The following EPHA5 variants were observed in gnomAD, a reference collection of about 807,000 sequenced individuals.
The protein encoded by EPHA5 is EPH receptor A5, also known as ephrin type-A receptor 5.
In EPHA5, 60 loss-of-function variants were observed where a neutral mutation model predicts 105.0. The observed-to-expected ratio is 0.57, with a 90% CI of 0.46 to 0.71. The LOEUF (loss-of-function observed/expected upper bound fraction) is 0.71. EPHA5 is among the 30% of genes least tolerant of loss of function. The pLI is 0.00. For missense variants in EPHA5, 1,218 were observed against 1,274.7 expected (o/e 0.96, Z 0.68); for synonymous variants, 513 against 449.1 (o/e 1.14, Z -1.80).
At chr4:65,561,787 T>A (rs1391839282) in intron 3 of EPHA5, among the ~76,000 whole-genome samples, 1 of 152,072 alleles carries the variant, frequency 6.6e-6, no homozygotes, top group African/African-American at 2.4e-5. Context: ...CCACAAGAGG[T>A]TGCAGAAGGG....
At chr4:65,479,124 A>G (rs140417039) in intron 5 of EPHA5, among the ~76,000 whole-genome samples, 205 of 152,296 alleles carry the variant, frequency 1.3e-3, no homozygotes, top group African/African-American at 4.7e-3. Context: ...AGAGTTTCTT[A>G]AATAATACTA....
Position 65,601,881 on chromosome 4 carries a change from C to G in EPHA5, c.670G>C (p.Val224Leu), listed in dbSNP as rs770566700. 3 of 1,614,086 alleles carry G rather than the reference C, an allele frequency of 1.9e-6. No individual in the cohort carries two copies. Among genetic ancestry groups the G allele is most frequent in the Non-Finnish European group, 2.5e-6 (3 of 1,180,008 alleles). ...FQDVGACIALVSVRVYYKKCP... is the reference protein window; with the variant it reads ...FQDVGACIALLSVRVYYKKCP... ...TTTTTATAGTATACACGCACAGAAACCAGAGCAATGCAAGCACCAACATCT... is the reference window on the plus strand; with the variant it reads ...TTTTTATAGTATACACGCACAGAAAGCAGAGCAATGCAAGCACCAACATCT... Residue 224 changes from valine (V) to leucine (L), a missense_variant, in exon 3 of 17, where the codon GTT becomes CTT. Physicochemically the swap from Val to Leu is conservative, Grantham distance 32. Transcript: ENST00000613740.
intron 3 of EPHA5, among the ~76,000 whole-genome samples, chr4:65,522,384 C>T (rs1254925079): frequency 6.7e-6 from 1 of 150,148 alleles, no homozygotes; most frequent in African/African-American, 2.5e-5. Flanking sequence ...TTGGGTTTTT[C>T]TCATTTTCAT....
At chr4:65,499,423 T>A (rs1732265077) in intron 3 of EPHA5, among the ~76,000 whole-genome samples, 1 of 151,610 alleles carries the variant, frequency 6.6e-6, no homozygotes, top group Non-Finnish European at 1.5e-5. Context: ...ATTTTCCCAG[T>A]TTTATTCCAC....
intron 16 of EPHA5, among the ~76,000 whole-genome samples, chr4:65,329,035 T>TAACCA (rs1442810507): frequency 2.6e-5 from 4 of 151,284 alleles, no homozygotes; most frequent in African/African-American, 9.7e-5. Flanking sequence ...ATTTTCTGAA[T>TAACCA]AACCAAAGGC....
intron 5 of EPHA5, among the ~76,000 whole-genome samples, chr4:65,473,860 T>C (rs1195261519): frequency 6.8e-6 from 1 of 147,406 alleles, no homozygotes; most frequent in East Asian, 2.0e-4. Context: ...GTAGTCCTCA[T>C]TACTCTTTCA....
At chr4:65,605,360 C>T (rs1489966112) in intron 2 of EPHA5, among the ~76,000 whole-genome samples, 1 of 152,190 alleles carries the variant, frequency 6.6e-6, no homozygotes, top group Non-Finnish European at 1.5e-5. Flanking sequence ...AGTTTCTCCC[C>T]ATCTGCCTCT....
intron 3 of EPHA5, among the ~76,000 whole-genome samples, chr4:65,515,818 A>G (rs1024288359): frequency 6.6e-6 from 1 of 152,140 alleles, no homozygotes; most frequent in Admixed American, 6.6e-5. Flanking sequence ...ACAGACTGAG[A>G]AAAGCATCAC....
chr4:65,483,053 T>C (rs1443871377), intron 5 of EPHA5, among the ~76,000 whole-genome samples: 1 of 151,978 alleles, frequency 6.6e-6, no homozygotes, highest in Admixed American at 6.6e-5. Flanking sequence ...ATGTTCCCCA[T>C]CCTGTGTCCA....
At chr4:65,657,975 C>G (rs1036513725) in intron 1 of EPHA5, among the ~76,000 whole-genome samples, 3 of 147,168 alleles carry the variant, frequency 2.0e-5, no homozygotes, top group African/African-American at 7.5e-5. Context: ...GAAAATCATA[C>G]TATTTCAGTG....
chr4:65,576,074 A>AAAAAAG (rs1740960577), intron 3 of EPHA5, among the ~76,000 whole-genome samples: 4 of 85,422 alleles, frequency 4.7e-5, no homozygotes, highest in Admixed American at 1.5e-4. Flanking sequence ...AAAAGAAAAG[A>AAAAAAG]AAAGAAAAGA....
chr4:65,470,391 C>T (rs1729170802), intron 5 of EPHA5, among the ~76,000 whole-genome samples: 1 of 151,986 alleles, frequency 6.6e-6, no homozygotes, highest in Non-Finnish European at 1.5e-5. Flanking sequence ...AGGATTTTAC[C>T]ATGTTGTCCA....
chr4:65,363,403 A>G (rs892869677), intron 11 of EPHA5, among the ~76,000 whole-genome samples: 1 of 151,564 alleles, frequency 6.6e-6, no homozygotes, highest in African/African-American at 2.4e-5. Context: ...TTAAAATTCA[A>G]TTGCATCACT....
At chr4:65,568,056 A>G (rs539341105) in intron 3 of EPHA5, among the ~76,000 whole-genome samples, 4 of 151,670 alleles carry the variant, frequency 2.6e-5, no homozygotes, top group Middle Eastern at 3.4e-3. Context: ...ACTCAAAACC[A>G]TGTTTAACTT....
Position 65,647,271 on chromosome 4 carries a change from G to C in EPHA5, c.182-3844C>G, listed in dbSNP as rs1488621474. 4.2e-5 allele frequency among the ~76,000 whole-genome samples: 6 copies of C among 141,978 alleles called. No homozygotes were observed. In the East Asian group the frequency reaches 1.3e-3, roughly 30 times the overall value. The allele number at this position is 141,978 out of a possible 152,430, so 93.1% of individuals were successfully genotyped here. A position where few individuals can be genotyped will look rare whatever the true frequency, so the allele number is the denominator to read the frequency against. On this transcript the variant is annotated intron_variant, in intron 1 of 16. Transcript: ENST00000613740. ...GTGAACCTGGGAGGCGGAGCTTGCA[G>C]TGAGCTGAGATTGTGCCACTGCACT...
intron 3 of EPHA5, among the ~76,000 whole-genome samples, chr4:65,533,942 T>A (rs1342833363): frequency 1.5e-5 from 2 of 130,400 alleles, no homozygotes; most frequent in South Asian, 2.4e-4. Flanking sequence ...CAAAAAAAAA[T>A]AAATAAATAA....
chr4:65,377,178 C>T (rs1198829634), intron 8 of EPHA5: 1 of 893,740 alleles, frequency 1.1e-6, no homozygotes, highest in African/African-American at 1.7e-5. Context: ...AATCAAAAAC[C>T]TCTAAATGCA....
chr4:65,604,646 T>C lies in EPHA5; in HGVS notation c.247-2342A>G, dbSNP rs1744050236. Among the ~76,000 whole-genome samples, 5 of 151,808 alleles carry C rather than the reference T, an allele frequency of 3.3e-5. No homozygotes were observed. In the South Asian group the frequency reaches 1.0e-3, roughly 31 times the overall value. ...TTTATTTTAGGCTGGCTCTCTGAAA[T>C]AAAACTTTGAATTTTTCTAAGCTTT... On this transcript the variant is annotated intron_variant, in intron 2 of 16. Transcript: ENST00000613740.
intron 3 of EPHA5, among the ~76,000 whole-genome samples, chr4:65,565,645 GA>G (rs1399315763): frequency 2.0e-5 from 3 of 150,664 alleles, no homozygotes; most frequent in Non-Finnish European, 3.0e-5. Flanking sequence ...TAGAAAATTT[GA>G]ATATGTGCAA....
Sources: gnomAD v4.1 joint callset for allele counts (sites outside exome capture counted in the v4.1 genomes callset) on GRCh38, gnomAD v4.1.1 for gene constraint, MANE v1.5 for transcripts, NCBI Gene and HGNC (gene_info 2026-07-23, HGNC 2026-07-21) for gene names.